The following MACROD2 variants were observed in gnomAD, a reference collection of about 807,000 sequenced individuals.
MACROD2 encodes mono-ADP ribosylhydrolase 2, also known as ADP-ribose glycohydrolase MACROD2.
Under a neutral mutation model 70.4 loss-of-function variants are expected in MACROD2, and 36 were observed. The observed-to-expected ratio is 0.51, with a 90% confidence interval of 0.39 to 0.68. MACROD2 has a LOEUF of 0.68. Ranked by LOEUF, MACROD2 falls within the 30% of genes least tolerant of loss-of-function variation. The pLI, the probability that MACROD2 is intolerant of heterozygous loss-of-function variation, is 0.00. For synonymous variants in MACROD2, 172 were observed against 178.8 expected (o/e 0.96, Z 0.30); for missense variants, 496 against 538.4 (o/e 0.92, Z 0.78).
At chr20:15,753,097 A>G (rs563360706) in intron 8 of MACROD2, among the ~76,000 whole-genome samples, 107 of 152,110 alleles carry the variant, frequency 7.0e-4, no homozygotes, top group Non-Finnish European at 1.5e-3. Context: ...GGACGACAGC[A>G]TATATGGTAT....
chr20:14,071,252 G>GTTTTTT lies in MACROD2; in HGVS notation c.164-14348_164-14343dup, dbSNP rs59052053. Among the ~76,000 whole-genome samples, 426 of 63,926 alleles carry GTTTTTT rather than the reference G, an allele frequency of 6.7e-3. 109 individuals carry two copies. Among genetic ancestry groups the GTTTTTT allele is most frequent in the Middle Eastern group, 0.033 (2 of 60 alleles). 41.9% of individuals were successfully genotyped at this position (63,926 alleles called of 152,430 possible). A position where few individuals can be genotyped will look rare whatever the true frequency, so the allele number is the denominator to read the frequency against. ...GACAGTATTGGCCATTTCATCTTGT[G>GTTTTTT]TTTTTTTTTTTTTTTTTTTTTTTTT... On this transcript the variant is annotated intron_variant, in intron 2 of 17. Transcript: ENST00000684519.
chr20:14,142,733 T>C (rs1184300362), intron 3 of MACROD2, among the ~76,000 whole-genome samples: 1 of 152,224 alleles, frequency 6.6e-6, no homozygotes, highest in Non-Finnish European at 1.5e-5. Flanking sequence ...TCATTAAAAA[T>C]GCACATAGGC....
chr20:15,527,130 C>G (rs1317436165), intron 8 of MACROD2, among the ~76,000 whole-genome samples: 2 of 152,148 alleles, frequency 1.3e-5, no homozygotes, highest in Middle Eastern at 3.2e-3. Context: ...CTGTTAAGGA[C>G]TGTACCAGTG....
At chr20:15,407,080 C>T (rs967432276) in intron 6 of MACROD2, among the ~76,000 whole-genome samples, 2 of 152,194 alleles carry the variant, frequency 1.3e-5, no homozygotes, top group African/African-American at 4.8e-5. Flanking sequence ...CCTGCACTCC[C>T]CTGCCATGCG....
At chr20:14,711,320 A>T (rs559085807) in intron 5 of MACROD2, among the ~76,000 whole-genome samples, 38 of 152,198 alleles carry the variant, frequency 2.5e-4, no homozygotes, top group Non-Finnish European at 4.9e-4. Flanking sequence ...TAAATCATGT[A>T]TCCATTTTTG....
intron 4 of MACROD2, among the ~76,000 whole-genome samples, chr20:14,495,001 T>A (rs2084837883): frequency 6.6e-6 from 1 of 152,180 alleles, no homozygotes; most frequent in Non-Finnish European, 1.5e-5. Flanking sequence ...ATTGAGTCTA[T>A]GTAAACACAT....
At chr20:14,725,912 GT>G (rs2071524287) in intron 5 of MACROD2, among the ~76,000 whole-genome samples, 2 of 152,154 alleles carry the variant, frequency 1.3e-5, no homozygotes, top group Non-Finnish European at 1.5e-5. Flanking sequence ...AGGAAACAGT[GT>G]GTGCACCCAC....
chr20:14,745,948 A>G (rs2071794220), intron 5 of MACROD2, among the ~76,000 whole-genome samples: 1 of 152,156 alleles, frequency 6.6e-6, no homozygotes. Context: ...AGAGCTGTAT[A>G]TTAATCTCTA....
At chr20:14,761,113 A>G (rs144386868) in intron 5 of MACROD2, among the ~76,000 whole-genome samples, 1 of 151,584 alleles carries the variant, frequency 6.6e-6, no homozygotes, top group East Asian at 1.9e-4. Context: ...TCCTTATTGG[A>G]CCCTTCCTGA....
intron 8 of MACROD2, among the ~76,000 whole-genome samples, chr20:15,808,064 C>A (rs540802205): frequency 6.6e-6 from 1 of 152,126 alleles, no homozygotes; most frequent in African/African-American, 2.4e-5. Context: ...CGTACCCCCT[C>A]CTTGCTCAAT....
chr20:15,835,412 G>A (rs1337751696), intron 8 of MACROD2, among the ~76,000 whole-genome samples: 1 of 151,844 alleles, frequency 6.6e-6, no homozygotes, highest in Non-Finnish European at 1.5e-5. Context: ...ATATCAATAT[G>A]AATAATGTAT....
chr20:14,428,536 A>T (rs970400066), intron 3 of MACROD2, among the ~76,000 whole-genome samples: 2 of 152,140 alleles, frequency 1.3e-5, no homozygotes, highest in Non-Finnish European at 2.9e-5. Flanking sequence ...TATTAATTTT[A>T]TACTACTCCT....
At chr20:14,340,609 T>A (rs939104877) in intron 3 of MACROD2, among the ~76,000 whole-genome samples, 1 of 152,144 alleles carries the variant, frequency 6.6e-6, no homozygotes. Context: ...TACTTACACA[T>A]CTCATGACCT....
At chr20:15,875,394 A>T (rs2064653858) in intron 9 of MACROD2, among the ~76,000 whole-genome samples, 1 of 152,110 alleles carries the variant, frequency 6.6e-6, no homozygotes, top group Admixed American at 6.6e-5. Context: ...ATGAATGTTT[A>T]CAAGTACATG....
intron 4 of MACROD2, among the ~76,000 whole-genome samples, chr20:14,583,820 A>T (rs561833424): frequency 6.6e-6 from 1 of 152,344 alleles, no homozygotes. Context: ...CATGATTTCT[A>T]TAGAGAAGAC....
intron 3 of MACROD2, among the ~76,000 whole-genome samples, chr20:14,156,600 A>C (rs552699092): frequency 6.6e-6 from 1 of 152,348 alleles, no homozygotes; most frequent in African/African-American, 2.4e-5. Context: ...TTTAGTTTAC[A>C]GATTTTAAAG....
At chr20:15,855,036 A>G (rs2064341532) in intron 8 of MACROD2, among the ~76,000 whole-genome samples, 1 of 152,132 alleles carries the variant, frequency 6.6e-6, no homozygotes, top group Admixed American at 6.6e-5. Context: ...ATCAGTCCTC[A>G]GTTAAAGCAG....
chr20:14,967,511 A>G (rs116132122), intron 5 of MACROD2, among the ~76,000 whole-genome samples: 3,332 of 151,924 alleles, frequency 0.022, 131 homozygotes, highest in African/African-American at 0.075. Flanking sequence ...AATGCTTTGG[A>G]TTTGAGTCCA....
chr20:15,463,510 G>C (rs1189227181), intron 7 of MACROD2, among the ~76,000 whole-genome samples: 1 of 152,188 alleles, frequency 6.6e-6, no homozygotes, highest in African/African-American at 2.4e-5. Flanking sequence ...AGCACTTTGG[G>C]AGGCCAAGGT....
Sources: allele counts gnomAD v4.1 joint callset (sites outside exome capture counted in the v4.1 genomes callset), GRCh38; gene constraint gnomAD v4.1.1; transcripts MANE v1.5; gene names NCBI Gene and HGNC (gene_info 2026-07-23, HGNC 2026-07-21).